The following VTI1A variants were observed in gnomAD, a reference collection of about 807,000 sequenced individuals.
The protein encoded by VTI1A is vesicle transport through interaction with t-SNAREs 1A.
In VTI1A, 22 loss-of-function variants were observed where a neutral mutation model predicts 34.9. The ratio of observed to expected loss-of-function variants is 0.63; its 90% CI spans 0.45 to 0.90. The LOEUF (loss-of-function observed/expected upper bound fraction) is 0.90, where lower values mean the gene tolerates loss of function less well. Ranked by LOEUF, VTI1A falls within the 40% of genes least tolerant of loss-of-function variation. The pLI is 0.00. For synonymous variants in VTI1A, 87 were observed against 97.3 expected, an observed-to-expected ratio of 0.89 and a Z score of 0.62; for missense variants, 268 against 275.6, an observed-to-expected ratio of 0.97 and a Z score of 0.20.
At chr10:112,564,347 A>C (rs1367335839) in intron 5 of VTI1A, among the ~76,000 whole-genome samples, 2 of 151,680 alleles carry the variant, frequency 1.3e-5, no homozygotes, top group Admixed American at 1.3e-4. Context: ...AACAGAAATA[A>C]TTTTCCGTGT....
In VTI1A at chr10:112,815,638, T is replaced by A. The variant is rs1853497147; in HGVS notation, c.*255T>A. ...GGAAGGTGAATGTTTATTTACCTTT[T>A]TGCTAATGTCATCAACTAGCCAAAA... On this transcript the variant is annotated 3_prime_UTR_variant, in exon 8 of 8. Coordinates refer to ENST00000393077, the MANE Select transcript of VTI1A (RefSeq NM_145206.4). 4.0e-6 allele frequency: 2 copies of A among 497,420 alleles called. No homozygotes were observed. The highest frequency in any genetic ancestry group is 3.7e-6 in the Non-Finnish European group (1 of 273,470). The allele number at this position is 497,420 out of a possible 1,614,324, so 30.8% of individuals were successfully genotyped here.
chr10:112,585,291 G>T (rs910268417), intron 5 of VTI1A, among the ~76,000 whole-genome samples: 1 of 152,186 alleles, frequency 6.6e-6, no homozygotes, highest in Non-Finnish European at 1.5e-5. Flanking sequence ...GATGAAACAG[G>T]CATGCCACTT....
intron 7 of VTI1A, among the ~76,000 whole-genome samples, chr10:112,722,400 A>T (rs190987272): frequency 7.6e-4 from 115 of 152,218 alleles, no homozygotes; most frequent in African/African-American, 2.4e-3. Flanking sequence ...TAGGAGAAAT[A>T]CCTAATGTAA....
intron 5 of VTI1A, among the ~76,000 whole-genome samples, chr10:112,584,590 T>C (rs1308941645): frequency 6.6e-6 from 1 of 152,236 alleles, no homozygotes; most frequent in Non-Finnish European, 1.5e-5. Context: ...GCTGACTTGC[T>C]TGCCTTAGTT....
chr10:112,661,117 A>T (rs1426177838), intron 5 of VTI1A, among the ~76,000 whole-genome samples: 1 of 152,196 alleles, frequency 6.6e-6, no homozygotes, highest in Admixed American at 6.5e-5. Context: ...AGTAGCTGGG[A>T]CTACAGGCAT....
the VTI1A span, among the ~76,000 whole-genome samples, chr10:112,849,524 C>A: frequency 6.6e-6 from 1 of 152,300 alleles, no homozygotes; most frequent in East Asian, 1.9e-4. Flanking sequence ...AGGGCTGGTC[C>A]CTTCTTAGAA....
At chr10:112,569,044 A>G (rs1389532189) in intron 5 of VTI1A, among the ~76,000 whole-genome samples, 1 of 152,018 alleles carries the variant, frequency 6.6e-6, no homozygotes, top group Non-Finnish European at 1.5e-5. Flanking sequence ...GGTCCCAGCT[A>G]CTTGGGAGGC....
the VTI1A span, among the ~76,000 whole-genome samples, chr10:112,850,793 A>G: frequency 3.3e-5 from 5 of 152,204 alleles, no homozygotes; most frequent in African/African-American, 1.2e-4. Flanking sequence ...TGAAGATAGC[A>G]ACACCAGCGC....
intron 5 of VTI1A, among the ~76,000 whole-genome samples, chr10:112,583,585 T>A (rs1184610401): frequency 6.6e-6 from 1 of 152,236 alleles, no homozygotes; most frequent in Non-Finnish European, 1.5e-5. Context: ...TTATTACAAT[T>A]TGCCTATCAT....
intron 5 of VTI1A, among the ~76,000 whole-genome samples, chr10:112,587,410 T>A (rs1844203062): frequency 6.6e-6 from 1 of 152,018 alleles, no homozygotes; most frequent in Non-Finnish European, 1.5e-5. Context: ...AATTAAAAGC[T>A]GGCATAAAAA....
intron 7 of VTI1A, among the ~76,000 whole-genome samples, chr10:112,759,553 C>T (rs1364367088): frequency 6.6e-6 from 1 of 152,244 alleles, no homozygotes; most frequent in African/African-American, 2.4e-5. Context: ...ACAACGGACA[C>T]AGTTCAATTG....
At chr10:112,828,466 C>G in the VTI1A span, among the ~76,000 whole-genome samples, 13 of 151,974 alleles carry the variant, frequency 8.6e-5, no homozygotes, top group African/African-American at 1.2e-4. Context: ...AGTGCAGAGG[C>G]GCGATCTCAG....
At chr10:112,812,334 G>C (rs1459949554) in intron 7 of VTI1A, among the ~76,000 whole-genome samples, 1 of 152,196 alleles carries the variant, frequency 6.6e-6, no homozygotes, top group Non-Finnish European at 1.5e-5. Context: ...AAAGTTAGGA[G>C]GAAGTTACTT....
At chr10:112,710,493 C>T (rs1174343937) in intron 7 of VTI1A, among the ~76,000 whole-genome samples, 1 of 152,190 alleles carries the variant, frequency 6.6e-6, no homozygotes, top group Non-Finnish European at 1.5e-5. Context: ...AGGTGTGAGC[C>T]ACCACGCCCG....
At chr10:112,533,789 A>T (rs1850529314) in intron 4 of VTI1A, among the ~76,000 whole-genome samples, 1 of 148,948 alleles carries the variant, frequency 6.7e-6, no homozygotes, top group Non-Finnish European at 1.5e-5. Flanking sequence ...CAAAGTTAAT[A>T]CTTTAAAGGC....
intron 7 of VTI1A, among the ~76,000 whole-genome samples, chr10:112,726,557 A>C (rs1328778620): frequency 1.3e-5 from 2 of 152,210 alleles, no homozygotes; most frequent in African/African-American, 4.8e-5. Flanking sequence ...AAGCATGGGC[A>C]GTTGCAAGTT....
At chr10:112,782,746 C>A (rs1242988993) in intron 7 of VTI1A, among the ~76,000 whole-genome samples, 1 of 152,050 alleles carries the variant, frequency 6.6e-6, no homozygotes. Context: ...CTTTCAGCTG[C>A]TGCCATAGTT....
At chr10:112,759,199 G>A (rs986881298) in intron 7 of VTI1A, among the ~76,000 whole-genome samples, 1 of 152,218 alleles carries the variant, frequency 6.6e-6, no homozygotes, top group African/African-American at 2.4e-5. Context: ...TGCTGATGTG[G>A]AGAGGTGTGA....
At chr10:112,760,611 C>T (rs1259197811) in intron 7 of VTI1A, among the ~76,000 whole-genome samples, 1 of 152,134 alleles carries the variant, frequency 6.6e-6, no homozygotes, top group Admixed American at 6.5e-5. Flanking sequence ...AAAAACCAGT[C>T]CAGGCACAGT....
Sources: gnomAD v4.1 joint callset for allele counts (sites outside exome capture counted in the v4.1 genomes callset) on GRCh38, gnomAD v4.1.1 for gene constraint, MANE v1.5 for transcripts, NCBI Gene and HGNC (gene_info 2026-07-23, HGNC 2026-07-21) for gene names.